The following INSYN2A variants were observed in gnomAD, a reference collection of about 807,000 sequenced individuals.
INSYN2A encodes family with sequence similarity 196 member A.
In INSYN2A, 17 loss-of-function variants were observed where a neutral mutation model predicts 39.4. The observed-to-expected ratio is 0.43, with a 90% CI of 0.30 to 0.65. The LOEUF is 0.65. INSYN2A is among the 30% of genes least tolerant of loss of function. The pLI is 0.14. For synonymous variants in INSYN2A, 255 were observed against 265.7 expected (o/e 0.96, Z 0.39); for missense variants, 595 against 631.2 (o/e 0.94, Z 0.61).
At chr10:127,159,874 C>T (rs951759365) in intron 4 of INSYN2A, among the ~76,000 whole-genome samples, 6 of 152,084 alleles carry the variant, frequency 3.9e-5, no homozygotes, top group South Asian at 2.1e-4. Context: ...GCAGGGACTC[C>T]GAGGAGCAGG....
At chr10:127,191,033 C>CT (rs1330150732) in intron 2 of INSYN2A, among the ~76,000 whole-genome samples, 3 of 152,128 alleles carry the variant, frequency 2.0e-5, no homozygotes, top group African/African-American at 7.2e-5. Flanking sequence ...CCTCCACTCT[C>CT]TGATTCCAGC....
intron 2 of INSYN2A, among the ~76,000 whole-genome samples, chr10:127,185,358 T>C (rs1038335822): frequency 1.3e-5 from 2 of 152,126 alleles, no homozygotes; most frequent in Non-Finnish European, 2.9e-5. Flanking sequence ...GAATCCCGTC[T>C]CTACTAAAAA....
rs191249038 is a variant in INSYN2A, at chr10:127,166,300, C to T, written c.1184+8912G>A. Reference sequence around the variant, plus strand: ...CAGGATGGTCTCGATCTCCTGACCTCGTGATCCACCCACCTCGGCCTCCCA... The same window carrying T: ...CAGGATGGTCTCGATCTCCTGACCTTGTGATCCACCCACCTCGGCCTCCCA... On this transcript the variant is annotated intron_variant, in intron 4 of 5. Transcript: ENST00000522781. Among the ~76,000 whole-genome samples, 19 of 152,142 alleles carry T rather than the reference C, an allele frequency of 1.2e-4. 1 individual carries two copies. Among genetic ancestry groups the T allele is most frequent in the Admixed American group, 3.3e-4 (5 of 15,276 alleles).
At chr10:127,174,478 C>T (rs1479864116) in intron 4 of INSYN2A, among the ~76,000 whole-genome samples, 2 of 152,172 alleles carry the variant, frequency 1.3e-5, no homozygotes, top group Non-Finnish European at 2.9e-5. Context: ...GATGCTGCTG[C>T]ACAGTTTAAA....
In INSYN2A at chr10:127,192,674, A is replaced by T. The variant is rs553434919; in HGVS notation, c.-338T>A. 6.6e-6 allele frequency: 1 copy of T among 152,312 alleles called. No individual in the cohort carries two copies. Among genetic ancestry groups the T allele is most frequent in the East Asian group, 1.9e-4 (1 of 5,176 alleles). The allele number at this position is 152,312 out of a possible 1,614,324, so 9.4% of individuals were successfully genotyped here. ...GTCTCTGAAGTTATGGTTTTTCTCA[A>T]TGTGAGAGGTAAGATCCTTGGTTGC... On this transcript the variant is annotated 5_prime_UTR_variant, in exon 2 of 6. It adds an upstream start codon to the 5' untranslated region. Transcript: ENST00000522781.
In INSYN2A at chr10:127,175,427, C is replaced by T. The variant is rs139302074; in HGVS notation, c.969G>A (p.Ser323=). The T allele has an allele frequency of 5.4e-5, 87 of 1,612,838 alleles. No individual in the cohort carries two copies. In the African/African-American group the frequency reaches 9.2e-4, roughly 17 times the overall value. ...CCAGCCCCGGCGGGGTGTGAGTCTGCGACGGCTGCTCACTACATTCGGGGG... is the reference window on the plus strand; with the variant it reads ...CCAGCCCCGGCGGGGTGTGAGTCTGTGACGGCTGCTCACTACATTCGGGGG... ...CLSPECSEQP[S]QTHTPPGLGN... Residue 323 remains serine (S), a synonymous_variant, in exon 4 of 6, where the codon TCG becomes TCA. Coordinates refer to ENST00000522781, the MANE Select transcript of INSYN2A (RefSeq NM_001039762.3). This position sits in a 1 kb window ranked among gnomAD's most constrained non-coding sequence, Gnocchi z 6.3.
In INSYN2A at chr10:127,155,039, T is replaced by C. The variant is rs1167280176; in HGVS notation, c.1185-1116A>G. Among the ~76,000 whole-genome samples, 7 of 152,198 alleles carry C rather than the reference T, an allele frequency of 4.6e-5. No individual in the cohort carries two copies. The East Asian group carries it at 1.3e-3, about 29-fold the overall frequency. On this transcript the variant is annotated intron_variant, in intron 4 of 5. Coordinates refer to ENST00000522781, the MANE Select transcript of INSYN2A (RefSeq NM_001039762.3). ...AGGCACAGACATGATAACCGGAATG[T>C]TAAATTTGTGGCAGGAGAAAAGCTC...
chr10:127,173,738 C>T (rs1371633327), intron 4 of INSYN2A, among the ~76,000 whole-genome samples: 1 of 152,086 alleles, frequency 6.6e-6, no homozygotes, highest in Non-Finnish European at 1.5e-5. Context: ...TCACTGGTCT[C>T]CCCCACCCCA....
chr10:127,141,531 C>T (rs1265411109), intron 5 of INSYN2A, among the ~76,000 whole-genome samples: 1 of 152,084 alleles, frequency 6.6e-6, no homozygotes, highest in Admixed American at 6.6e-5. Context: ...GGTGAAACCC[C>T]ATCTGTACTA....
rs994078397 is a variant in INSYN2A at position 127,196,274 on chromosome 10, G to A, written c.-672C>T. 3 of 148,992 alleles carry A rather than the reference G, an allele frequency of 2.0e-5. No individual in the cohort carries two copies. The highest frequency in any genetic ancestry group is 6.7e-5 in the Admixed American group (1 of 14,990). The allele number at this position is 148,992 out of a possible 1,614,324, so 9.2% of individuals were successfully genotyped here. On this transcript the variant is annotated 5_prime_UTR_variant, in exon 1 of 6. Coordinates refer to ENST00000522781, the MANE Select transcript of INSYN2A (RefSeq NM_001039762.3). ...TCGCGTCCCTCCGGCCCCGCTTAGC[G>A]ACGCGCGCGGGGAGGCAGCGGCTGG...
Position 127,176,480 on chromosome 10 carries a change from C to T in INSYN2A, c.-5-80G>A, listed in dbSNP as rs2055171133. ...CACCGGCCGCACAAACTTTTAGCCA[C>T]CACGACGACTGCCTGTTTCCTAATT... On this transcript the variant is annotated intron_variant, in intron 3 of 5. Coordinates refer to ENST00000522781, the MANE Select transcript of INSYN2A (RefSeq NM_001039762.3). The surrounding 1 kb of genome is among the most constrained non-coding windows in gnomAD (Gnocchi z 4.4). The T allele has an allele frequency of 8.6e-7, 1 of 1,159,866 alleles. No homozygotes were observed. Among genetic ancestry groups the T allele is most frequent in the Non-Finnish European group, 1.2e-6 (1 of 821,506 alleles). 71.8% of individuals were successfully genotyped at this position (1,159,866 alleles called of 1,614,324 possible).
chr10:127,150,258 T>C (rs1267835604), intron 5 of INSYN2A, among the ~76,000 whole-genome samples: 2 of 152,198 alleles, frequency 1.3e-5, no homozygotes, highest in Non-Finnish European at 2.9e-5. Flanking sequence ...CTTCTATTCT[T>C]AAGCTTCTGA....
chr10:127,173,919 G>A (rs1348859608), intron 4 of INSYN2A, among the ~76,000 whole-genome samples: 3 of 152,194 alleles, frequency 2.0e-5, no homozygotes, highest in African/African-American at 7.2e-5. Context: ...TTGCTTAAGA[G>A]CATCAAGCTG....
chr10:127,195,806 CGCACCGGGTCCGCTCCCGGCT>C, intron 1 of INSYN2A, among the ~76,000 whole-genome samples, 170 bp downstream of exon 1: 1 of 152,272 alleles, frequency 6.6e-6, no homozygotes, highest in South Asian at 2.1e-4. Flanking sequence ...CACCTGCGAC[CGCACCGGGTCCGCTCCCGGCT>C]GCACCGGGGT....
intron 4 of INSYN2A, among the ~76,000 whole-genome samples, chr10:127,170,643 C>T (rs2054488100): frequency 6.6e-6 from 1 of 152,160 alleles, no homozygotes; most frequent in African/African-American, 2.4e-5. Flanking sequence ...AGACCTACAC[C>T]CCATTGGTCT....
At chr10:127,151,564 A>C (rs1398943550) in intron 5 of INSYN2A, among the ~76,000 whole-genome samples, 1 of 152,176 alleles carries the variant, frequency 6.6e-6, no homozygotes, top group Non-Finnish European at 1.5e-5. Flanking sequence ...TAAGGGGGTG[A>C]CAGTCGGGTC....
At chr10:127,188,975 C>T (rs1044086343) in intron 2 of INSYN2A, among the ~76,000 whole-genome samples, 12 of 152,298 alleles carry the variant, frequency 7.9e-5, no homozygotes, top group Non-Finnish European at 1.3e-4. Context: ...CGCACCACCA[C>T]GCTGCACTCC....
intron 5 of INSYN2A, among the ~76,000 whole-genome samples, chr10:127,146,562 A>G (rs2051872996): frequency 1.3e-5 from 2 of 152,164 alleles, no homozygotes; most frequent in South Asian, 4.1e-4. Flanking sequence ...TTACCCCAGA[A>G]TAACATTGTG....
intron 2 of INSYN2A, among the ~76,000 whole-genome samples, chr10:127,183,005 T>G (rs1374875388): frequency 6.7e-6 from 1 of 149,012 alleles, no homozygotes. Context: ...CTCACTCACA[T>G]GAAAACACAA....
Sources: gnomAD v4.1 joint callset for allele counts (sites outside exome capture counted in the v4.1 genomes callset) on GRCh38, gnomAD v4.1.1 for gene constraint, Gnocchi (gnomAD v3.1) non-coding constraint, MANE v1.5 for transcripts, NCBI Gene and HGNC (gene_info 2026-07-23, HGNC 2026-07-21) for gene names.